MYO10: variants seen among roughly 807,000 people sequenced by gnomAD.
MYO10 encodes unconventional myosin-X.
A neutral mutation model predicts 257.3 loss-of-function variants in MYO10; 133 were observed. The observed-to-expected ratio is 0.52, with a 90% CI of 0.45 to 0.60. MYO10 has a LOEUF of 0.60. Ranked by LOEUF, MYO10 falls within the 20% of genes least tolerant of loss-of-function variation. MYO10 has a pLI of 0.00. For missense variants in MYO10, 2,399 were observed against 2,635.7 expected (o/e 0.91, Z 1.97); for synonymous variants, 1,104 against 1,028.6 (o/e 1.07, Z -1.40).
chr5:16,668,058 G>A (rs26744), intron 40 of MYO10, among the ~76,000 whole-genome samples: 152,202 of 152,290 alleles, frequency 1, 76,057 homozygotes, highest in Middle Eastern at 1. Context: ...AATGGAACCA[G>A]ATTCCTCTGT....
intron 1 of MYO10, among the ~76,000 whole-genome samples, chr5:16,889,495 GAAGGAAGGAAGGAAGGAAGGAAGGAAGGA>G (rs1744986586): frequency 1.9e-5 from 1 of 51,434 alleles, no homozygotes; most frequent in Non-Finnish European, 4.2e-5. Flanking sequence ...AGGAAGGAAG[GAAGGAAGGAAGGAAGGAAGGAAGGAAGGA>G]AGGAAGGAAG....
At chr5:16,694,107 G>A (rs1033470470) in intron 27 of MYO10, among the ~76,000 whole-genome samples, 10 of 152,190 alleles carry the variant, frequency 6.6e-5, no homozygotes, top group South Asian at 2.1e-4. Flanking sequence ...ATTCAATTCC[G>A]TTTCCACCAG....
rs777423244 is a variant in MYO10 at position 16,766,103 on chromosome 5, G to A, written c.1156C>T (p.Leu386Phe). 4.5e-5 allele frequency: 73 copies of A among 1,612,338 alleles called. No homozygotes were observed. In the Admixed American group the frequency reaches 7.8e-4, roughly 17 times the overall value. ...RSMFLRGEEI[L>F]TPLNVQQAVD... is the part of the protein sequence containing the mutation. ...ACCTGTTGAACATTGAGAGGCGTGA[G>A]GATCTCTTCTCCCCTGAGGAACATT... Residue 386 changes from leucine to phenylalanine, a missense_variant, in exon 11 of 41, where the codon CTC becomes TTC. Transcript: ENST00000513610.
intron 2 of MYO10, among the ~76,000 whole-genome samples, chr5:16,834,179 C>A (rs542723853): frequency 6.6e-6 from 1 of 152,236 alleles, no homozygotes; most frequent in South Asian, 2.1e-4. Flanking sequence ...CCCACCACAT[C>A]TAGTCTGAGC....
intron 3 of MYO10, among the ~76,000 whole-genome samples, chr5:16,810,865 C>T (rs549995545): frequency 9.9e-5 from 15 of 152,032 alleles, no homozygotes; most frequent in East Asian, 9.7e-4. Context: ...GAGGTCAGTT[C>T]GAGACCAGCC....
chr5:16,721,727 C>T (rs1418301486), intron 19 of MYO10, among the ~76,000 whole-genome samples: 1 of 152,196 alleles, frequency 6.6e-6, no homozygotes, highest in Non-Finnish European at 1.5e-5. Flanking sequence ...AGCAAGGACA[C>T]TCACACTCTG....
intron 28 of MYO10, 132 bp downstream of exon 28, chr5:16,689,692 C>CGTCT: frequency 1.5e-6 from 1 of 688,124 alleles, no homozygotes; most frequent in Non-Finnish European, 2.6e-6. Flanking sequence ...TCTCGTATGA[C>CGTCT]TCTTGGTTCT....
At chr5:16,689,137 C>T (rs1737376478) in intron 28 of MYO10, among the ~76,000 whole-genome samples, 1 of 152,188 alleles carries the variant, frequency 6.6e-6, no homozygotes, top group Admixed American at 6.5e-5. Flanking sequence ...GTTCTCTGTA[C>T]CCTAGTCTCT....
intron 9 of MYO10, among the ~76,000 whole-genome samples, chr5:16,774,838 C>T (rs1358998505): frequency 6.6e-6 from 1 of 152,130 alleles, no homozygotes; most frequent in Non-Finnish European, 1.5e-5. Flanking sequence ...AGTTTCACAA[C>T]ATGAAAGTAA....
intron 26 of MYO10, among the ~76,000 whole-genome samples, chr5:16,698,693 G>A (rs1008031329): frequency 2.9e-5 from 4 of 140,004 alleles, no homozygotes; most frequent in East Asian, 4.0e-4. Context: ...GCGCGATCTC[G>A]GCTCACTGCA....
intron 11 of MYO10, among the ~76,000 whole-genome samples, chr5:16,765,593 A>ATAT (rs1740839560): frequency 2.6e-5 from 4 of 152,196 alleles, no homozygotes; most frequent in Non-Finnish European, 4.4e-5. Flanking sequence ...TAAATAAAAC[A>ATAT]TATTATTATA....
chr5:16,852,230 C>T (rs1342707336), intron 2 of MYO10, among the ~76,000 whole-genome samples: 1 of 114,556 alleles, frequency 8.7e-6, no homozygotes, highest in East Asian at 2.3e-4. Flanking sequence ...ATTGAGAGTA[C>T]AGGCTAAAAA....
Position 16,794,714 on chromosome 5 carries a change from G to A in MYO10, c.399C>T (p.Ile133=), listed in dbSNP as rs752810171. ...RRHLGELPPH[I]FAIANECYRC... Reference sequence around the variant, plus strand: ...GGTAGCACTCGTTGGCGATGGCGAAGATGTGCGGGGGCAGCTCGCCCAGGT... The same window carrying A: ...GGTAGCACTCGTTGGCGATGGCGAAAATGTGCGGGGGCAGCTCGCCCAGGT... Residue 133 remains isoleucine (I), a synonymous_variant, in exon 4 of 41, where the codon ATC becomes ATT. Transcript: ENST00000513610. 1 of 1,613,652 alleles carries A rather than the reference G, an allele frequency of 6.2e-7. No individual in the cohort carries two copies. Among genetic ancestry groups the A allele is most frequent in the Non-Finnish European group, 8.5e-7 (1 of 1,179,762 alleles).
intron 1 of MYO10, among the ~76,000 whole-genome samples, chr5:16,929,274 G>A (rs190767327): frequency 6.2e-4 from 95 of 152,230 alleles, no homozygotes; most frequent in African/African-American, 2.1e-3. Context: ...ATGTTCAAAA[G>A]CTGATGAACA....
In MYO10 at chr5:16,762,534, T is replaced by A; in HGVS notation, c.1587+11A>T. The A allele has an allele frequency of 6.3e-7, 1 of 1,585,824 alleles. No individual in the cohort carries two copies. Among genetic ancestry groups the A allele is most frequent in the Non-Finnish European group, 8.6e-7 (1 of 1,162,042 alleles). On this transcript the variant is annotated intron_variant, in intron 15 of 40. Coordinates refer to ENST00000513610, the MANE Select transcript of MYO10 (RefSeq NM_012334.3). ...CTCCAATGTGATGAAGAATTGCAGG[T>A]TTTGACATACCGCATGCTGACTGTG...
intron 24 of MYO10, among the ~76,000 whole-genome samples, chr5:16,702,127 C>T (rs895429957): frequency 2.0e-5 from 3 of 152,146 alleles, no homozygotes; most frequent in Non-Finnish European, 4.4e-5. Context: ...AAAAAGGCTG[C>T]GTGAGGACAC....
At chr5:16,686,745 T>C (rs1737272557) in intron 28 of MYO10, among the ~76,000 whole-genome samples, 1 of 152,106 alleles carries the variant, frequency 6.6e-6, no homozygotes, top group South Asian at 2.1e-4. Flanking sequence ...CAGGCTGGTC[T>C]TGAACTCCTG....
At chr5:16,900,143 A>C (rs1745336368) in intron 1 of MYO10, among the ~76,000 whole-genome samples, 1 of 152,188 alleles carries the variant, frequency 6.6e-6, no homozygotes, top group South Asian at 2.1e-4. Flanking sequence ...TTTCAACAGC[A>C]ATGTTTTCTA....
chr5:16,789,292 C>T (rs1369641737), intron 4 of MYO10, among the ~76,000 whole-genome samples: 2 of 152,234 alleles, frequency 1.3e-5, no homozygotes, highest in African/African-American at 4.8e-5. Flanking sequence ...TGGCTCTTTA[C>T]ACAAAACTTT....
Sources: allele counts gnomAD v4.1 joint callset (sites outside exome capture counted in the v4.1 genomes callset), GRCh38; gene constraint gnomAD v4.1.1; transcripts MANE v1.5; gene names NCBI Gene and HGNC (gene_info 2026-07-23, HGNC 2026-07-21).